INVS: variants seen among roughly 807,000 people sequenced by gnomAD.
INVS encodes inversion of embryo turning homolog.
INVS carries 86 observed loss-of-function variants against 108.8 expected under a neutral mutation model. The observed-to-expected ratio is 0.79, with a 90% CI of 0.66 to 0.95. The LOEUF (loss-of-function observed/expected upper bound fraction) is 0.95, where lower values mean the gene tolerates loss of function less well. Among genes scored for constraint, INVS ranks in the 40% least tolerant of loss-of-function variants. INVS has a pLI of 0.00. For synonymous variants in INVS, 455 were observed against 473.5 expected (o/e 0.96, Z 0.51); for missense variants, 1,169 against 1,297.4 (o/e 0.90, Z 1.52).
At chr9:100,174,703 A>G (rs1269768894) in intron 3 of INVS, among the ~76,000 whole-genome samples, 2 of 152,170 alleles carry the variant, frequency 1.3e-5, no homozygotes, top group South Asian at 4.1e-4. Context: ...ACCTGAGGTC[A>G]GGAGTTGGAG....
At chr9:100,133,618 A>C (rs1486521061) in intron 3 of INVS, among the ~76,000 whole-genome samples, 5 of 152,204 alleles carry the variant, frequency 3.3e-5, no homozygotes, top group Admixed American at 6.5e-5. Flanking sequence ...CTACATGACC[A>C]GTGGAATGTA....
chr9:100,186,700 T>C (rs1830065763), intron 3 of INVS, among the ~76,000 whole-genome samples: 1 of 152,194 alleles, frequency 6.6e-6, no homozygotes, highest in Non-Finnish European at 1.5e-5. Flanking sequence ...GCTTACTTTT[T>C]AATGGGATTA....
At chr9:100,245,277 G>GTTTTGT (rs1423824395) in intron 7 of INVS, among the ~76,000 whole-genome samples, 10 of 151,940 alleles carry the variant, frequency 6.6e-5, no homozygotes, top group African/African-American at 2.2e-4. Flanking sequence ...TGTTGTTTTT[G>GTTTTGT]TTTTGTTTTT....
chr9:100,210,905 T>C (rs991378205), intron 3 of INVS, among the ~76,000 whole-genome samples: 4 of 151,030 alleles, frequency 2.6e-5, no homozygotes, highest in African/African-American at 4.9e-5. Flanking sequence ...GGGAACAGAC[T>C]TTTTTTTTAA....
chr9:100,239,044 T>C (rs1318524370), intron 5 of INVS, among the ~76,000 whole-genome samples: 1 of 152,230 alleles, frequency 6.6e-6, no homozygotes, highest in African/African-American at 2.4e-5. Flanking sequence ...CATATTGTCA[T>C]GGGAGTGTTA....
chr9:100,130,992 TTA>T (rs1464561020), intron 3 of INVS: 1 of 152,190 alleles, frequency 6.6e-6, no homozygotes, highest in Non-Finnish European at 1.5e-5. Flanking sequence ...ACATTATTTA[TTA>T]TGTTTCTAGT....
intron 3 of INVS, chr9:100,214,785 G>C (rs1273876999): frequency 5.3e-5 from 8 of 152,208 alleles, no homozygotes; most frequent in Non-Finnish European, 1.0e-4. Flanking sequence ...CAGATGGCTG[G>C]CCTCAGCTGC....
intron 3 of INVS, among the ~76,000 whole-genome samples, chr9:100,202,106 A>AT (rs1830550766): frequency 9.0e-6 from 1 of 111,052 alleles, no homozygotes; most frequent in South Asian, 2.7e-4. Flanking sequence ...TTTTTTTTTT[A>AT]TTTTGACTTC....
At chr9:100,203,054 A>G (rs897082807) in intron 3 of INVS, among the ~76,000 whole-genome samples, 5 of 152,238 alleles carry the variant, frequency 3.3e-5, no homozygotes, top group African/African-American at 9.6e-5. Flanking sequence ...AATAACATAG[A>G]TATTTCACCA....
rs78441951 is a variant in INVS at position 100,184,793 on chromosome 9, A to G, written c.274-41269A>G. ...CAAGCAGAGATTCAATAAGAGGCCTATTTAAGAGGTCATTGGAAGGGAGAT... is the reference window on the plus strand; with the variant it reads ...CAAGCAGAGATTCAATAAGAGGCCTGTTTAAGAGGTCATTGGAAGGGAGAT... On this transcript the variant is annotated intron_variant, in intron 3 of 16. Coordinates refer to ENST00000262457, the MANE Select transcript of INVS (RefSeq NM_014425.5). 4.8e-3 allele frequency among the ~76,000 whole-genome samples: 733 copies of G among 152,286 alleles called. 9 individuals carry two copies. Among genetic ancestry groups the G allele is most frequent in the African/African-American group, 0.017 (694 of 41,562 alleles).
intron 3 of INVS, among the ~76,000 whole-genome samples, chr9:100,147,202 G>A (rs1828645651): frequency 6.6e-6 from 1 of 152,114 alleles, no homozygotes; most frequent in African/African-American, 2.4e-5. Flanking sequence ...TTAGTCTTCT[G>A]TAGACCTCTA....
chr9:100,150,722 G>T (rs1190399873), intron 3 of INVS, among the ~76,000 whole-genome samples: 1 of 152,094 alleles, frequency 6.6e-6, no homozygotes, highest in Non-Finnish European at 1.5e-5. Flanking sequence ...GGATGAGAGG[G>T]AATCAGGATG....
At chr9:100,264,590 C>G (rs1832725932) in intron 10 of INVS, among the ~76,000 whole-genome samples, 1 of 149,944 alleles carries the variant, frequency 6.7e-6, no homozygotes, top group South Asian at 2.1e-4. Context: ...TGCACTCCAG[C>G]CTGAGCGACG....
intron 3 of INVS, chr9:100,129,595 C>A: frequency 5.4e-6 from 3 of 551,916 alleles, no homozygotes; most frequent in East Asian, 3.0e-5. Context: ...CAATTCTGGC[C>A]ATAATGGCTT....
At chr9:100,115,618 A>G (rs1827490574) in intron 2 of INVS, among the ~76,000 whole-genome samples, 1 of 152,218 alleles carries the variant, frequency 6.6e-6, no homozygotes, top group African/African-American at 2.4e-5. Flanking sequence ...TACAAAGGAC[A>G]TGAACTCATC....
At chr9:100,297,912 G>A in intron 15 of INVS, 24 bp from the exon 16 acceptor site, 1 of 1,613,858 alleles carries the variant, frequency 6.2e-7, no homozygotes, top group Non-Finnish European at 8.5e-7. Context: ...CCAAAGAAAA[G>A]TAACAGTTGT....
At chr9:100,250,916 C>T (rs957794924) in intron 8 of INVS, among the ~76,000 whole-genome samples, 4 of 152,174 alleles carry the variant, frequency 2.6e-5, no homozygotes, top group African/African-American at 4.8e-5. Context: ...TCCACTGTCA[C>T]TTACTGTGCT....
At chr9:100,173,279 G>A (rs113468371) in intron 3 of INVS, among the ~76,000 whole-genome samples, 336 of 152,310 alleles carry the variant, frequency 2.2e-3, no homozygotes, top group Non-Finnish European at 3.5e-3. Flanking sequence ...TCAGCCCTTG[G>A]AAGACCGTAA....
At chr9:100,100,920 A>ATATATAATATATATTATATATG (rs1826928698) in intron 1 of INVS, among the ~76,000 whole-genome samples, 2 of 20,508 alleles carry the variant, frequency 9.8e-5, no homozygotes, top group African/African-American at 9.9e-4. Flanking sequence ...TATTATATGT[A>ATATATAATATATATTATATATG]TATATATAAT....
Sources: gnomAD v4.1 joint callset for allele counts (sites outside exome capture counted in the v4.1 genomes callset) on GRCh38, gnomAD v4.1.1 for gene constraint, MANE v1.5 for transcripts, NCBI Gene and HGNC (gene_info 2026-07-23, HGNC 2026-07-21) for gene names.